The following PCOLCE2 variants were observed in gnomAD, a reference collection of about 807,000 sequenced individuals.
The protein encoded by PCOLCE2 is procollagen C-endopeptidase enhancer 2, also known as procollagen C-proteinase enhancer 2.
In PCOLCE2, 42 loss-of-function variants were observed where a neutral mutation model predicts 47.0. The ratio of observed to expected loss-of-function variants is 0.89; its 90% CI spans 0.70 to 1.16. The LOEUF is 1.16. PCOLCE2 is among the 50% of genes most tolerant of loss of function. The pLI, the probability that PCOLCE2 is intolerant of heterozygous loss-of-function variation, is 0.00. For synonymous variants in PCOLCE2, 169 were observed against 191.7 expected, an observed-to-expected ratio of 0.88 and a Z score of 0.98; for missense variants, 500 against 526.1, an observed-to-expected ratio of 0.95 and a Z score of 0.49.
chr3:142,865,580 T>C (rs1933269129), intron 2 of PCOLCE2, among the ~76,000 whole-genome samples: 1 of 152,224 alleles, frequency 6.6e-6, no homozygotes, highest in Non-Finnish European at 1.5e-5. Flanking sequence ...CTTTAATTTC[T>C]GGATCAGCCA....
At chr3:142,831,546 A>G (rs780867422) in intron 5 of PCOLCE2, among the ~76,000 whole-genome samples, 4 of 152,240 alleles carry the variant, frequency 2.6e-5, no homozygotes, top group Non-Finnish European at 5.9e-5. Flanking sequence ...AAAGTGATGA[A>G]GTTATTTAAA....
At chr3:142,849,013 T>C (rs1379677637) in intron 2 of PCOLCE2, among the ~76,000 whole-genome samples, 2 of 151,450 alleles carry the variant, frequency 1.3e-5, no homozygotes, top group Non-Finnish European at 2.9e-5. Context: ...ATTAGCCGGG[T>C]GTGGTGGGGG....
At position 142,847,971 on chromosome 3, in the gene PCOLCE2, T is replaced by C. The variant is rs1937345187; in HGVS notation, c.448+246A>G. ...AGTGGTGAAGGGGTGTGTTTGCATA[T>C]TTGCATGTGTGCTTATGTATGTAAG... On this transcript the variant is annotated intron_variant, in intron 3 of 8. Transcript: ENST00000295992. Among the ~76,000 whole-genome samples the C allele has an allele frequency of 2.0e-5, 3 of 152,232 alleles. No individual in the cohort carries two copies. In the South Asian group the frequency reaches 6.2e-4, roughly 32 times the overall value.
At chr3:142,857,566 A>G (rs931365172) in intron 2 of PCOLCE2, among the ~76,000 whole-genome samples, 1 of 152,222 alleles carries the variant, frequency 6.6e-6, no homozygotes, top group Admixed American at 6.5e-5. Context: ...TAAAAAAGGG[A>G]AAAAAGGTAA....
At chr3:142,866,560 G>A (rs183455188) in intron 2 of PCOLCE2, among the ~76,000 whole-genome samples, 36 of 151,918 alleles carry the variant, frequency 2.4e-4, no homozygotes, top group African/African-American at 8.7e-4. Context: ...TAATATAATG[G>A]GTACAAGAAC....
intron 2 of PCOLCE2, among the ~76,000 whole-genome samples, chr3:142,855,927 T>C (rs1933051384): frequency 6.6e-6 from 1 of 152,142 alleles, no homozygotes; most frequent in Admixed American, 6.5e-5. Context: ...GGGAAGTTGT[T>C]TGTTAGAGCA....
At chr3:142,864,458 T>G (rs1010636462) in intron 2 of PCOLCE2, 1 of 152,174 alleles carries the variant, frequency 6.6e-6, no homozygotes, top group African/African-American at 2.4e-5. Context: ...TCAGAGTTTT[T>G]CAATCATAAA....
intron 2 of PCOLCE2, among the ~76,000 whole-genome samples, chr3:142,859,500 T>C (rs1933138275): frequency 1.3e-5 from 2 of 152,062 alleles, no homozygotes; most frequent in Non-Finnish European, 2.9e-5. Flanking sequence ...ATCTGGAATT[T>C]CATCTGATAA....
At chr3:142,885,065 C>A (rs1933693437) in intron 2 of PCOLCE2, among the ~76,000 whole-genome samples, 1 of 152,158 alleles carries the variant, frequency 6.6e-6, no homozygotes, top group Non-Finnish European at 1.5e-5. Flanking sequence ...TCTAAATTTC[C>A]AATCTGCAGG....
At chr3:142,867,110 C>T (rs1270991332) in intron 2 of PCOLCE2, among the ~76,000 whole-genome samples, 1 of 152,124 alleles carries the variant, frequency 6.6e-6, no homozygotes, top group Non-Finnish European at 1.5e-5. Context: ...TCCCCTGGGC[C>T]CTATGCAAAT....
At chr3:142,854,574 C>A (rs990677753) in intron 2 of PCOLCE2, among the ~76,000 whole-genome samples, 3 of 152,048 alleles carry the variant, frequency 2.0e-5, no homozygotes, top group Admixed American at 1.3e-4. Flanking sequence ...GTAGAAATAA[C>A]GAGATGTTTT....
rs1031065607 is a variant in PCOLCE2 at position 142,842,855 on chromosome 3, A to G, written c.573+69T>C. ...GCCCCCACAACAGGAGGCTCTTGAG[A>G]GTTGGTGGGCCCCCCACACTGGGCA... On this transcript the variant is annotated intron_variant, in intron 4 of 8. Coordinates refer to ENST00000295992, the MANE Select transcript of PCOLCE2 (RefSeq NM_013363.4). This position sits in a 1 kb window ranked among gnomAD's most constrained non-coding sequence, Gnocchi z 4.1. 2.0e-6 allele frequency: 3 copies of G among 1,519,946 alleles called. No homozygotes were observed. In the Admixed American group the frequency reaches 5.2e-5, roughly 26 times the overall value. 94.2% of individuals were successfully genotyped at this position (1,519,946 alleles called of 1,614,324 possible). A position where few individuals can be genotyped will look rare whatever the true frequency, so the allele number is the denominator to read the frequency against.
At chr3:142,847,790 G>C (rs947583246) in intron 3 of PCOLCE2, among the ~76,000 whole-genome samples, 1 of 152,200 alleles carries the variant, frequency 6.6e-6, no homozygotes, top group Non-Finnish European at 1.5e-5. Flanking sequence ...ACCTGCCCTT[G>C]GTCCCCCAGT....
At chr3:142,836,815 G>T (rs1466270269) in intron 5 of PCOLCE2, among the ~76,000 whole-genome samples, 4 of 151,990 alleles carry the variant, frequency 2.6e-5, no homozygotes, top group Middle Eastern at 3.4e-3. Context: ...AAAAGAGGAG[G>T]GTTAATAAAT....
At chr3:142,823,827 A>G (rs1470362086) in intron 6 of PCOLCE2, among the ~76,000 whole-genome samples, 1 of 152,218 alleles carries the variant, frequency 6.6e-6, no homozygotes, top group African/African-American at 2.4e-5. Context: ...CCTCTATTGA[A>G]TTTTAAACCT....
At chr3:142,826,693 C>G (rs913934633) in intron 6 of PCOLCE2, among the ~76,000 whole-genome samples, 1 of 152,192 alleles carries the variant, frequency 6.6e-6, no homozygotes, top group African/African-American at 2.4e-5. Flanking sequence ...CCGGGTTCTG[C>G]TGGCGGCACA....
intron 2 of PCOLCE2, among the ~76,000 whole-genome samples, chr3:142,879,226 A>G (rs1429255623): frequency 6.6e-6 from 1 of 152,060 alleles, no homozygotes; most frequent in African/African-American, 2.4e-5. Flanking sequence ...TTTGGTATGA[A>G]TATGTTATTA....
intron 2 of PCOLCE2, among the ~76,000 whole-genome samples, chr3:142,878,868 G>A (rs1407661594): frequency 4.0e-5 from 6 of 150,784 alleles, no homozygotes; most frequent in East Asian, 1.9e-4. Flanking sequence ...AAAAAAACCC[G>A]AAAGAACTTC....
intron 6 of PCOLCE2, chr3:142,827,730 G>A: frequency 1.2e-6 from 1 of 818,214 alleles, no homozygotes; most frequent in South Asian, 1.5e-5. Flanking sequence ...TGGATGATGG[G>A]TGACTCTTAA....
Sources: gnomAD v4.1 joint callset for allele counts (sites outside exome capture counted in the v4.1 genomes callset) on GRCh38, gnomAD v4.1.1 for gene constraint, Gnocchi (gnomAD v3.1) non-coding constraint, MANE v1.5 for transcripts, NCBI Gene and HGNC (gene_info 2026-07-23, HGNC 2026-07-21) for gene names.